SYNPO: variants seen among roughly 807,000 people sequenced by gnomAD.
The protein encoded by SYNPO is synaptopodin.
Under a neutral mutation model 49.5 loss-of-function variants are expected in SYNPO, and 19 were observed. That is an observed-to-expected ratio of 0.38 (90% CI 0.27 to 0.56). The LOEUF (loss-of-function observed/expected upper bound fraction) is 0.56, where lower values mean the gene tolerates loss of function less well. SYNPO is among the 20% of genes least tolerant of loss of function. The pLI is 0.68. For synonymous variants in SYNPO, 536 were observed against 548.0 expected (o/e 0.98, Z 0.31); for missense variants, 1,131 against 1,248.3 (o/e 0.91, Z 1.42).
chr5:150,619,080 A>C (rs1437916676), intron 2 of SYNPO, among the ~76,000 whole-genome samples: 1 of 151,942 alleles, frequency 6.6e-6, no homozygotes, highest in African/African-American at 2.4e-5. Context: ...TCTGCCTTTT[A>C]ATCATTAGCG....
upstream of SYNPO, among the ~76,000 whole-genome samples, chr5:150,636,381 G>A (rs950573527): frequency 1.3e-5 from 2 of 152,082 alleles, no homozygotes. Context: ...TCCATTAGTG[G>A]TGGGGGCACC....
intron 2 of SYNPO, among the ~76,000 whole-genome samples, chr5:150,625,702 G>A (rs116836633): frequency 0.025 from 3,811 of 152,306 alleles, 151 homozygotes; most frequent in African/African-American, 0.086. Flanking sequence ...AGCCCTGGCA[G>A]GACCTCTTTG....
the SYNPO span, among the ~76,000 whole-genome samples, chr5:150,588,385 A>C: frequency 2.0e-5 from 3 of 152,324 alleles, no homozygotes; most frequent in African/African-American, 7.2e-5. Flanking sequence ...GGACTTCTGC[A>C]ACCCCAGCCT....
chr5:150,598,520 T>C (rs1403815297), upstream of SYNPO, among the ~76,000 whole-genome samples: 4 of 152,222 alleles, frequency 2.6e-5, no homozygotes, highest in Non-Finnish European at 5.9e-5. Flanking sequence ...GTATGGTGCA[T>C]GTGAAACGCT....
chr5:150,640,416 C>G (rs952399293), upstream of SYNPO, among the ~76,000 whole-genome samples: 1 of 152,164 alleles, frequency 6.6e-6, no homozygotes, highest in Admixed American at 6.5e-5. Flanking sequence ...GCTGAGGGCA[C>G]AGAGAGAAGG....
upstream of SYNPO, among the ~76,000 whole-genome samples, chr5:150,599,928 G>T (rs373608642): frequency 5.9e-5 from 9 of 152,282 alleles, no homozygotes; most frequent in African/African-American, 1.9e-4. Context: ...GGCCACCTCC[G>T]GAGAATGAAT....
At position 150,640,996 on chromosome 5, in the gene SYNPO, T is replaced by C. The variant is rs1757883265; in HGVS notation, c.-333+142T>C. ...GTGATTTCTGCCAGCCTGTGAGTGG[T>C]GAGGCGGGGGCTGGGCCTGGGGCTC... On this transcript the variant is annotated intron_variant, in intron 1 of 2. Coordinates refer to ENST00000307662, the MANE Select transcript of SYNPO (RefSeq NM_007286.6). The C allele has an allele frequency of 1.4e-5, 5 of 351,292 alleles. No individual in the cohort carries two copies. In the South Asian group the frequency reaches 5.8e-4, roughly 40 times the overall value. 21.8% of individuals were successfully genotyped at this position (351,292 alleles called of 1,614,324 possible).
chr5:150,640,329 G>T (rs958845366), upstream of SYNPO, among the ~76,000 whole-genome samples: 1 of 152,198 alleles, frequency 6.6e-6, no homozygotes, highest in Non-Finnish European at 1.5e-5. Flanking sequence ...GAGGGGGTCT[G>T]TGCAAACGCT....
At chr5:150,643,781 C>T (rs963416738) in intron 1 of SYNPO, among the ~76,000 whole-genome samples, 12 of 152,130 alleles carry the variant, frequency 7.9e-5, no homozygotes, top group African/African-American at 2.9e-4. Context: ...GATCCACCTG[C>T]CTTGGCCCCC....
At chr5:150,639,157 C>T (rs1278430969), upstream of SYNPO, among the ~76,000 whole-genome samples, 1 of 152,242 alleles carries the variant, frequency 6.6e-6, no homozygotes, top group Non-Finnish European at 1.5e-5. Flanking sequence ...GGTCAGCCAA[C>T]AGGGAGCAGG....
At chr5:150,614,406 A>C (rs950674199) in intron 1 of SYNPO, among the ~76,000 whole-genome samples, 1 of 152,166 alleles carries the variant, frequency 6.6e-6, no homozygotes, top group Non-Finnish European at 1.5e-5. Context: ...CCTGACGCTC[A>C]GCCGGTCCTC....
chr5:150,603,042 G>GTGTGTGT (rs1561629800), intron 1 of SYNPO, among the ~76,000 whole-genome samples: 1 of 147,314 alleles, frequency 6.8e-6, no homozygotes, highest in African/African-American at 2.5e-5. Flanking sequence ...GTGTGTGTGT[G>GTGTGTGT]GTGTATGCTG....
At chr5:150,596,793 C>T (rs918267609), upstream of SYNPO, among the ~76,000 whole-genome samples, 4 of 152,130 alleles carry the variant, frequency 2.6e-5, no homozygotes, top group African/African-American at 7.2e-5. Context: ...ATCTCCTGCA[C>T]GGGCTCAGAT....
At chr5:150,656,167 C>A (rs1051978736) in intron 2 of SYNPO, among the ~76,000 whole-genome samples, 10 of 152,160 alleles carry the variant, frequency 6.6e-5, no homozygotes, top group African/African-American at 2.4e-4. Flanking sequence ...TAAGTTAAGG[C>A]GGCTCTCTCC....
intron 1 of SYNPO, chr5:150,618,075 G>A: frequency 3.2e-6 from 1 of 313,976 alleles, no homozygotes; most frequent in Non-Finnish European, 5.8e-6. Context: ...TTTCTCATGT[G>A]CTGTTTCTTT....
upstream of SYNPO, among the ~76,000 whole-genome samples, chr5:150,639,899 C>A (rs1227527815): frequency 6.6e-6 from 1 of 152,210 alleles, no homozygotes; most frequent in African/African-American, 2.4e-5. Flanking sequence ...CTCATTGCTA[C>A]AAAGCAAAAC....
intron 1 of SYNPO, among the ~76,000 whole-genome samples, chr5:150,602,019 G>A (rs1756556609): frequency 6.6e-6 from 1 of 152,216 alleles, no homozygotes; most frequent in Non-Finnish European, 1.5e-5. Flanking sequence ...CCTGAGTGAG[G>A]GACAGCTTCC....
chr5:150,628,071 G>C (rs959417606), intron 2 of SYNPO, among the ~76,000 whole-genome samples: 1 of 136,498 alleles, frequency 7.3e-6, no homozygotes, highest in African/African-American at 2.9e-5. Flanking sequence ...TGTGTGGTCA[G>C]AGTCTTTTGT....
At chr5:150,641,200 T>C (rs1045538784) in intron 1 of SYNPO, among the ~76,000 whole-genome samples, 1 of 152,150 alleles carries the variant, frequency 6.6e-6, no homozygotes, top group African/African-American at 2.4e-5. Flanking sequence ...CTCCTTTCAG[T>C]GGGAGGAATG....
Sources: allele counts gnomAD v4.1 joint callset (sites outside exome capture counted in the v4.1 genomes callset), GRCh38; gene constraint gnomAD v4.1.1; transcripts MANE v1.5; gene names NCBI Gene and HGNC (gene_info 2026-07-23, HGNC 2026-07-21).